Variants in CADM2 observed in about 807,000 individuals in gnomAD.
The protein encoded by CADM2 is immunoglobulin superfamily member 4D.
In CADM2, 12 loss-of-function variants were observed where a neutral mutation model predicts 49.8. That is an observed-to-expected ratio of 0.24 (90% CI 0.15 to 0.39). CADM2 has a LOEUF of 0.39. Ranked by LOEUF, CADM2 falls within the 10% of genes least tolerant of loss-of-function variation. CADM2 has a pLI of 1.00. For missense variants in CADM2, 378 were observed against 492.3 expected (o/e 0.77, Z 2.20); for synonymous variants, 214 against 175.4 (o/e 1.22, Z -1.74).
intron 7 of CADM2, among the ~76,000 whole-genome samples, chr3:85,958,826 C>T (rs1034450577): frequency 2.6e-5 from 4 of 151,838 alleles, no homozygotes; most frequent in African/African-American, 9.7e-5. Flanking sequence ...CATGTTCTCA[C>T]TCATAAGTGG....
intron 8 of CADM2, among the ~76,000 whole-genome samples, chr3:86,044,900 T>C (rs1232240245): frequency 2.0e-5 from 3 of 152,080 alleles, no homozygotes; most frequent in Non-Finnish European, 4.4e-5. Context: ...TGAGTTCATG[T>C]CCTTTTTAGG....
intron 1 of CADM2, among the ~76,000 whole-genome samples, chr3:85,363,822 A>T (rs1352546426): frequency 1.3e-5 from 2 of 151,160 alleles, no homozygotes; most frequent in African/African-American, 4.9e-5. Flanking sequence ...CGTGTTAGCC[A>T]GGATGGTCTC....
intron 1 of CADM2, among the ~76,000 whole-genome samples, chr3:85,097,643 G>C (rs1442179204): frequency 6.6e-6 from 1 of 152,082 alleles, no homozygotes; most frequent in East Asian, 1.9e-4. Flanking sequence ...CTATTTCTAA[G>C]AGTTTTTAGT....
intron 3 of CADM2, among the ~76,000 whole-genome samples, chr3:85,849,896 A>T (rs77552899): frequency 0.22 from 33,675 of 151,978 alleles, 3,811 homozygotes; most frequent in Admixed American, 0.24. Flanking sequence ...ATTACCAAGA[A>T]AATGATTTAA....
chr3:85,258,855 G>T (rs1306944709), intron 1 of CADM2, among the ~76,000 whole-genome samples: 2 of 152,024 alleles, frequency 1.3e-5, no homozygotes, highest in Admixed American at 1.3e-4. Flanking sequence ...GTTTTCTCCA[G>T]ACTTTATTAT....
chr3:85,423,249 G>T (rs1022221855), intron 1 of CADM2, among the ~76,000 whole-genome samples: 2 of 151,990 alleles, frequency 1.3e-5, no homozygotes, highest in East Asian at 1.9e-4. Context: ...TCTGCTCATG[G>T]TGCCTGGGGC....
intron 1 of CADM2, among the ~76,000 whole-genome samples, chr3:85,255,282 G>T (rs1010226448): frequency 3.9e-5 from 6 of 151,926 alleles, no homozygotes; most frequent in African/African-American, 1.2e-4. Context: ...AGCCTACAGG[G>T]TTGTCATTAG....
At chr3:85,798,159 A>T (rs140604950) in intron 2 of CADM2, among the ~76,000 whole-genome samples, 1,565 of 152,122 alleles carry the variant, frequency 0.01, 29 homozygotes, top group African/African-American at 0.034. Flanking sequence ...TGGTAGATTC[A>T]GGATATTAGA....
At position 85,643,514 on chromosome 3, in the gene CADM2, CA is replaced by C. The variant is rs1417547257; in HGVS notation, c.62-83004del. Among the ~76,000 whole-genome samples, 5 of 152,136 alleles carry C rather than the reference CA, an allele frequency of 3.3e-5. No homozygotes were observed. In the South Asian group the frequency reaches 1.0e-3, roughly 32 times the overall value. ...TCAAATTGAGAAGTAATTAGCAAAT[CA>C]AAACTTGATTAGGTCTTTGCTTGAT... On this transcript the variant is annotated intron_variant, in intron 1 of 9. Coordinates refer to ENST00000383699, the MANE Select transcript of CADM2 (RefSeq NM_001167675.2).
intron 1 of CADM2, among the ~76,000 whole-genome samples, chr3:85,596,968 T>C (rs2063261963): frequency 6.6e-6 from 1 of 152,026 alleles, no homozygotes; most frequent in Non-Finnish European, 1.5e-5. Flanking sequence ...TCACCCACTT[T>C]GGCCTCCCAA....
intron 1 of CADM2, among the ~76,000 whole-genome samples, chr3:85,214,662 G>A (rs142086064): frequency 1.3e-5 from 2 of 151,994 alleles, no homozygotes; most frequent in Non-Finnish European, 2.9e-5. Context: ...TGGCAACCAA[G>A]CTGCAAGACA....
At chr3:85,258,683 G>A (rs1486644860) in intron 1 of CADM2, among the ~76,000 whole-genome samples, 2 of 152,100 alleles carry the variant, frequency 1.3e-5, no homozygotes, top group Admixed American at 1.3e-4. Flanking sequence ...TTTCTAACTA[G>A]TAATACTTGA....
chr3:85,438,795 C>T (rs933693532), intron 1 of CADM2, among the ~76,000 whole-genome samples: 2 of 152,052 alleles, frequency 1.3e-5, no homozygotes, highest in African/African-American at 4.8e-5. Flanking sequence ...GCTTCAGCCT[C>T]CCAAGTGTCT....
intron 1 of CADM2, among the ~76,000 whole-genome samples, chr3:84,992,111 A>C (rs1259833633): frequency 6.6e-6 from 1 of 152,166 alleles, no homozygotes; most frequent in Non-Finnish European, 1.5e-5. Flanking sequence ...CATAGCAAGT[A>C]CAACACCAAG....
At chr3:85,306,633 T>C (rs1413305464) in intron 1 of CADM2, among the ~76,000 whole-genome samples, 3 of 151,722 alleles carry the variant, frequency 2.0e-5, no homozygotes, top group Admixed American at 6.6e-5. Context: ...ACTGTGGATA[T>C]ACTATTGTAT....
At chr3:86,009,052 T>C (rs1577934879) in intron 8 of CADM2, among the ~76,000 whole-genome samples, 1 of 149,884 alleles carries the variant, frequency 6.7e-6, no homozygotes. Flanking sequence ...GCTGAAGAGA[T>C]TGAAACTTAC....
chr3:85,138,082 G>A (rs560515928), intron 1 of CADM2, among the ~76,000 whole-genome samples: 2 of 152,152 alleles, frequency 1.3e-5, no homozygotes, highest in East Asian at 3.9e-4. Context: ...ATAGTTCATA[G>A]GACAGAGTCG....
In CADM2 at chr3:85,568,461, T is replaced by TTTC. The variant is rs1559915989; in HGVS notation, c.62-158060_62-158059insTCT. On this transcript the variant is annotated intron_variant, in intron 1 of 9. Transcript: ENST00000383699. ...TTTCTTTCTTTCTTTCTTTCTTTCT[T>TTTC]TCTCTTTCTCTCTCTTTCTTTCTTT... Among the ~76,000 whole-genome samples, 139 of 15,214 alleles carry TTTC rather than the reference T, an allele frequency of 9.1e-3. 12 individuals are homozygous for TTTC. The highest frequency in any genetic ancestry group is 0.017 in the African/African-American group (118 of 6,814). 10.0% of individuals were successfully genotyped at this position (15,214 alleles called of 152,430 possible).
chr3:85,928,172 T>G (rs1413850494), intron 6 of CADM2, among the ~76,000 whole-genome samples: 1 of 150,718 alleles, frequency 6.6e-6, no homozygotes, highest in Non-Finnish European at 1.5e-5. Context: ...TTTTTTTTTT[T>G]TTTTTGAAAT....
Sources: allele counts gnomAD v4.1 joint callset (sites outside exome capture counted in the v4.1 genomes callset), GRCh38; gene constraint gnomAD v4.1.1; transcripts MANE v1.5; gene names NCBI Gene and HGNC (gene_info 2026-07-23, HGNC 2026-07-21).